The following PCDH15 variants were observed in gnomAD, a reference collection of about 807,000 sequenced individuals.
PCDH15 encodes the protein protocadherin-15.
Under a neutral mutation model 178.5 loss-of-function variants are expected in PCDH15, and 129 were observed. The ratio of observed to expected loss-of-function variants is 0.72; its 90% CI spans 0.63 to 0.84. PCDH15 has a LOEUF of 0.84. PCDH15 is among the 40% of genes least tolerant of loss of function. The probability of loss-of-function intolerance (pLI) is 0.00; values close to 1 mark genes in which losing one functional copy is unlikely to be tolerated. For synonymous variants in PCDH15, 800 were observed against 732.0 expected, an observed-to-expected ratio of 1.09 and a Z score of -1.50; for missense variants, 2,230 against 2,099.9, an observed-to-expected ratio of 1.06 and a Z score of -1.21.
intron 3 of PCDH15, among the ~76,000 whole-genome samples, chr10:54,812,501 C>T (rs1952879730): frequency 6.6e-6 from 1 of 151,944 alleles, no homozygotes; most frequent in Non-Finnish European, 1.5e-5. Context: ...ACTCTGTCGC[C>T]AGGTTGGAGT....
chr10:55,052,242 C>T (rs1841180909), intron 2 of PCDH15, among the ~76,000 whole-genome samples: 3 of 151,808 alleles, frequency 2.0e-5, no homozygotes, highest in Admixed American at 2.0e-4. Context: ...CACCTACCAC[C>T]ACGCCCAGCT....
chr10:55,336,212 T>G (rs938598573), intron 2 of PCDH15, among the ~76,000 whole-genome samples: 2 of 149,532 alleles, frequency 1.3e-5, no homozygotes, highest in African/African-American at 4.9e-5. Flanking sequence ...ATAAAACAAT[T>G]CTCTGGGCCG....
chr10:55,317,521 G>T (rs574799489), intron 1 of PCDH15, among the ~76,000 whole-genome samples: 2 of 151,766 alleles, frequency 1.3e-5, no homozygotes, highest in South Asian at 2.1e-4. Flanking sequence ...TATCAATAGG[G>T]TTATAGTCTA....
intron 3 of PCDH15, among the ~76,000 whole-genome samples, chr10:54,455,800 C>T (rs923469608): frequency 6.6e-6 from 1 of 152,048 alleles, no homozygotes; most frequent in Non-Finnish European, 1.5e-5. Context: ...GCCCCTCTTC[C>T]GACAACCCAT....
At chr10:55,202,819 T>C (rs1840290261) in intron 1 of PCDH15, among the ~76,000 whole-genome samples, 2 of 152,130 alleles carry the variant, frequency 1.3e-5, no homozygotes, top group Admixed American at 1.3e-4. Flanking sequence ...AAGTTCCTGC[T>C]TCGCTATTCT....
At chr10:55,059,999 T>A (rs976596978) in intron 2 of PCDH15, among the ~76,000 whole-genome samples, 1 of 150,226 alleles carries the variant, frequency 6.7e-6, no homozygotes, top group Non-Finnish European at 1.5e-5. Flanking sequence ...AAAAAAAAAA[T>A]TAGTTGAATT....
chr10:54,719,658 C>T (rs1331281688), intron 1 of PCDH15, among the ~76,000 whole-genome samples: 1 of 152,052 alleles, frequency 6.6e-6, no homozygotes, highest in Non-Finnish European at 1.5e-5. Context: ...GCTATTTGTC[C>T]TAATGCTCTC....
chr10:54,776,176 A>G (rs1949680696), intron 1 of PCDH15, among the ~76,000 whole-genome samples: 1 of 152,138 alleles, frequency 6.6e-6, no homozygotes, highest in South Asian at 2.1e-4. Flanking sequence ...TCATCCACTG[A>G]TAGACATTTA....
At chr10:54,402,510 A>G (rs1326601976) in intron 3 of PCDH15, among the ~76,000 whole-genome samples, 14 of 151,942 alleles carry the variant, frequency 9.2e-5, no homozygotes, top group Non-Finnish European at 1.6e-4. Flanking sequence ...TAAATACGGC[A>G]TTTTTTTAAA....
chr10:54,486,928 T>G (rs1356707854), intron 3 of PCDH15, among the ~76,000 whole-genome samples: 3 of 151,988 alleles, frequency 2.0e-5, no homozygotes. Context: ...CATGGAATAA[T>G]GTTGATCTGG....
At chr10:54,156,484 A>G (rs2045163331) in intron 13 of PCDH15, among the ~76,000 whole-genome samples, 1 of 152,192 alleles carries the variant, frequency 6.6e-6, no homozygotes, top group Non-Finnish European at 1.5e-5. Flanking sequence ...TAAAACCATC[A>G]GATCTCATGA....
intron 2 of PCDH15, among the ~76,000 whole-genome samples, chr10:55,621,297 C>T (rs2132170814): frequency 6.6e-6 from 1 of 152,198 alleles, no homozygotes; most frequent in African/African-American, 2.4e-5. Context: ...TGAGTGAAGC[C>T]CACAGATTAT....
intron 2 of PCDH15, among the ~76,000 whole-genome samples, chr10:55,610,936 A>G (rs1019853706): frequency 6.6e-6 from 1 of 152,094 alleles, no homozygotes; most frequent in Non-Finnish European, 1.5e-5. Flanking sequence ...CACTTCATGC[A>G]AGTTACCAAA....
chr10:54,516,046 A>G lies in PCDH15; in HGVS notation c.157+11766T>C, dbSNP rs544584158. Among the ~76,000 whole-genome samples, 256 of 152,314 alleles carry G rather than the reference A, an allele frequency of 1.7e-3. 10 individuals are homozygous for G. The South Asian group carries it at 0.05, about 29-fold the overall frequency. ...AGCAGACAAAACCACAAAGATGGGG[A>G]AAAAACAGAGCAGAAAAACTGGAAA... On this transcript the variant is annotated intron_variant, in intron 3 of 37. Transcript: ENST00000644397.
intron 2 of PCDH15, among the ~76,000 whole-genome samples, chr10:54,635,039 C>A (rs2093810790): frequency 6.6e-6 from 1 of 151,522 alleles, no homozygotes; most frequent in Admixed American, 6.6e-5. Flanking sequence ...TGTCTTACAG[C>A]CAGATTTAAT....
At chr10:54,152,684 CTG>C (rs553644491) in intron 14 of PCDH15, among the ~76,000 whole-genome samples, 322 of 148,946 alleles carry the variant, frequency 2.2e-3, no homozygotes, top group African/African-American at 6.4e-3. Flanking sequence ...TTTTAGCTTG[CTG>C]TGTGTGTGTG....
In PCDH15 at chr10:53,991,956, C is replaced by T. The variant is rs370470297; in HGVS notation, c.2868+3693G>A. Among the ~76,000 whole-genome samples, 175 of 152,250 alleles carry T rather than the reference C, an allele frequency of 1.1e-3. 4 individuals carry two copies. The South Asian group carries it at 0.034, about 29-fold the overall frequency. On this transcript the variant is annotated intron_variant, in intron 21 of 37. Coordinates refer to ENST00000644397, the MANE Select transcript of PCDH15 (RefSeq NM_001384140.1). ...TGCCCAAGCCAGCAGCCGCAACCCGCTCGGGTCCCCTTCCACCCTGTGGAA... is the reference window on the plus strand; with the variant it reads ...TGCCCAAGCCAGCAGCCGCAACCCGTTCGGGTCCCCTTCCACCCTGTGGAA...
chr10:55,193,451 AAT>A (rs960430383), intron 1 of PCDH15, among the ~76,000 whole-genome samples: 2 of 152,030 alleles, frequency 1.3e-5, no homozygotes, highest in African/African-American at 4.8e-5. Flanking sequence ...GAAGTTATGA[AAT>A]ATGATTATTA....
chr10:54,750,513 C>T lies in PCDH15; in HGVS notation c.-29+50412G>A, dbSNP rs374793404. ...TCAAATCATAAAGAATTTAACTTCA[C>T]TGTACTATACAATCTATTTTCAAGT... On this transcript the variant is annotated intron_variant, in intron 1 of 37. Transcript: ENST00000644397. Among the ~76,000 whole-genome samples the T allele has an allele frequency of 3.4e-4, 51 of 152,114 alleles. 1 individual carries two copies. The East Asian group carries it at 6.9e-3, about 21-fold the overall frequency.
Sources: gnomAD v4.1 joint callset for allele counts (sites outside exome capture counted in the v4.1 genomes callset) on GRCh38, gnomAD v4.1.1 for gene constraint, MANE v1.5 for transcripts, NCBI Gene and HGNC (gene_info 2026-07-23, HGNC 2026-07-21) for gene names.